Variants in CUX1 observed in about 807,000 individuals in gnomAD.
The protein encoded by CUX1 is protein CASP.
Under a neutral mutation model 158.8 loss-of-function variants are expected in CUX1, and 31 were observed. The observed-to-expected ratio is 0.20, with a 90% confidence interval of 0.15 to 0.26. The LOEUF is 0.26. Ranked by LOEUF, CUX1 falls within the 10% of genes least tolerant of loss-of-function variation. The pLI is 1.00. For synonymous variants in CUX1, 879 were observed against 862.1 expected, an observed-to-expected ratio of 1.02 and a Z score of -0.34; for missense variants, 1,589 against 2,014.6, an observed-to-expected ratio of 0.79 and a Z score of 4.04.
chr7:101,847,143 C>T (rs75370873), intron 1 of CUX1, among the ~76,000 whole-genome samples: 4,537 of 152,168 alleles, frequency 0.03, 225 homozygotes, highest in African/African-American at 0.1. Context: ...GGTCCTATCC[C>T]TAAAGAAATG....
At chr7:102,229,421 C>T (rs1373075800) in intron 21 of CUX1, among the ~76,000 whole-genome samples, 2 of 151,558 alleles carry the variant, frequency 1.3e-5, no homozygotes, top group African/African-American at 2.4e-5. Flanking sequence ...ACGCGATTCT[C>T]CTGCCTCAGT....
At chr7:102,012,590 C>T (rs541867518) in intron 2 of CUX1, among the ~76,000 whole-genome samples, 7 of 152,138 alleles carry the variant, frequency 4.6e-5, no homozygotes, top group African/African-American at 1.4e-4. Context: ...CTTTTCCCAG[C>T]GTCCTCTCTG....
chr7:102,264,132 A>G (rs1250217076), intron 14 of CUX1, among the ~76,000 whole-genome samples: 2 of 150,330 alleles, frequency 1.3e-5, no homozygotes, highest in African/African-American at 4.9e-5. Context: ...CAGCCTCCCA[A>G]GTAGCTGGGA....
rs73712571 is a variant in CUX1, at chr7:101,851,628, G to A, written c.30+33959G>A. Among the ~76,000 whole-genome samples, 1,400 of 152,274 alleles carry A rather than the reference G, an allele frequency of 9.2e-3. 27 individuals carry two copies. The highest frequency in any genetic ancestry group is 0.032 in the African/African-American group (1,332 of 41,550). On this transcript the variant is annotated intron_variant, in intron 1 of 23. Coordinates refer to ENST00000292535, the MANE Select transcript of CUX1 (RefSeq NM_181552.4). ...CCGTTTTCTAGCATCCGTCAAGGGC[G>A]TTCTGCATTTTTGTCCTTTGTTCTA...
chr7:102,071,037 C>A (rs1000071967), intron 4 of CUX1, among the ~76,000 whole-genome samples: 1 of 152,120 alleles, frequency 6.6e-6, no homozygotes, highest in African/African-American at 2.4e-5. Context: ...CTCACTGCAA[C>A]CTGCACCTCC....
chr7:102,180,934 T>G (rs906842639), intron 11 of CUX1, among the ~76,000 whole-genome samples: 23 of 145,682 alleles, frequency 1.6e-4, no homozygotes, highest in East Asian at 1.9e-4. Context: ...TTATTTTATT[T>G]TATTTTATTT....
intron 14 of CUX1, among the ~76,000 whole-genome samples, chr7:102,269,555 G>A (rs925045808): frequency 2.4e-4 from 34 of 144,660 alleles, no homozygotes; most frequent in Admixed American, 1.9e-3. Flanking sequence ...ACAGGGGTCC[G>A]CCACCATGCC....
At chr7:101,877,756 T>TTGTGTGTG (rs112494807) in intron 1 of CUX1, among the ~76,000 whole-genome samples, 8 of 148,942 alleles carry the variant, frequency 5.4e-5, no homozygotes, top group Middle Eastern at 3.4e-3. Context: ...ATCCCTCCAA[T>TTGTGTGTG]TGTGTGTGTG....
chr7:101,974,165 C>T (rs796491458), intron 2 of CUX1, among the ~76,000 whole-genome samples: 7 of 151,894 alleles, frequency 4.6e-5, no homozygotes, highest in African/African-American at 1.7e-4. Context: ...TCCCTGGGCT[C>T]AAGTAATGCT....
At chr7:102,280,716 C>T (rs560364563) in intron 19 of CUX1, 1 of 1,371,868 alleles carries the variant, frequency 7.3e-7, no homozygotes, top group East Asian at 2.4e-5. Flanking sequence ...GCAGGGTGTC[C>T]TGTGGCTGGC....
Position 102,189,397 on chromosome 7 carries a change from A to ATTT in CUX1, c.1018-416_1018-415insTTT, listed in dbSNP as rs1563376302. On this transcript the variant is annotated intron_variant, in intron 11 of 23. Transcript: ENST00000292535. ...GGATGCTTTTTTTTTTTTTTTTTTA[A>ATTT]AAAAAAAAGAGGTAGGGTCTCCACT... Among the ~76,000 whole-genome samples, 211 of 57,250 alleles carry ATTT rather than the reference A, an allele frequency of 3.7e-3. 2 individuals carry two copies. Among genetic ancestry groups the ATTT allele is most frequent in the African/African-American group, 0.014 (196 of 13,820 alleles). 37.6% of individuals were successfully genotyped at this position (57,250 alleles called of 152,430 possible).
chr7:101,979,830 A>C (rs1302061888), intron 2 of CUX1, among the ~76,000 whole-genome samples: 1 of 152,024 alleles, frequency 6.6e-6, no homozygotes, highest in African/African-American at 2.4e-5. Context: ...TTGTATTTTT[A>C]ATAGAGATAG....
intron 2 of CUX1, among the ~76,000 whole-genome samples, chr7:101,981,720 C>T (rs757788711): frequency 1.5e-4 from 23 of 152,054 alleles, no homozygotes; most frequent in Admixed American, 4.6e-4. Context: ...AGGCGATTCT[C>T]CTGCCTCCGT....
Position 101,817,763 on chromosome 7 carries a change from C to T in CUX1, c.30+94C>T. ...CCCGGGTCCCGCGGCTTAGAATGCTCTAGGGCGGCCTGGTGCTCTGGGAGG... is the reference window on the plus strand; with the variant it reads ...CCCGGGTCCCGCGGCTTAGAATGCTTTAGGGCGGCCTGGTGCTCTGGGAGG... On this transcript the variant is annotated intron_variant, in intron 1 of 23. Coordinates refer to ENST00000292535, the MANE Select transcript of CUX1 (RefSeq NM_181552.4). The surrounding 1 kb of genome is among the most constrained non-coding windows in gnomAD (Gnocchi z 4.1). 6.1e-6 allele frequency: 9 copies of T among 1,467,496 alleles called. No homozygotes were observed. The highest frequency in any genetic ancestry group is 7.3e-6 in the Non-Finnish European group (8 of 1,090,780). The allele number at this position is 1,467,496 out of a possible 1,614,324, so 90.9% of individuals were successfully genotyped here. A position where few individuals can be genotyped will look rare whatever the true frequency, so the allele number is the denominator to read the frequency against.
At chr7:102,282,897 C>A in intron 22 of CUX1, 1 of 842,260 alleles carries the variant, frequency 1.2e-6, no homozygotes, top group Non-Finnish European at 1.9e-6. Context: ...GCCCCCCATT[C>A]TGGCCCTCCC....
intron 20 of CUX1, among the ~76,000 whole-genome samples, chr7:102,216,670 CACACACACACACT>C (rs1554524890): frequency 1.3e-4 from 4 of 31,232 alleles, no homozygotes; most frequent in African/African-American, 2.2e-4. Flanking sequence ...CACACACACT[CACACACACACACT>C]CCCCCACACA....
At chr7:101,887,570 A>G (rs1042055657) in intron 1 of CUX1, among the ~76,000 whole-genome samples, 24 of 151,952 alleles carry the variant, frequency 1.6e-4, no homozygotes, top group African/African-American at 5.8e-4. Context: ...CGGCCTCCCA[A>G]AGTGCTGGGA....
intron 2 of CUX1, among the ~76,000 whole-genome samples, chr7:101,999,345 C>T (rs1816395602): frequency 6.6e-6 from 1 of 151,140 alleles, no homozygotes; most frequent in African/African-American, 2.4e-5. Flanking sequence ...CATGAGCCAC[C>T]GCGCCTGGCC....
intron 6 of CUX1, among the ~76,000 whole-genome samples, chr7:102,106,815 C>T (rs1253132589): frequency 6.6e-6 from 1 of 152,226 alleles, no homozygotes; most frequent in African/African-American, 2.4e-5. Flanking sequence ...ACCAGCTCGC[C>T]TTTGAATTCC....
Sources: allele counts gnomAD v4.1 joint callset (sites outside exome capture counted in the v4.1 genomes callset), GRCh38; gene constraint gnomAD v4.1.1; non-coding constraint Gnocchi (gnomAD v3.1); transcripts MANE v1.5; gene names NCBI Gene and HGNC (gene_info 2026-07-23, HGNC 2026-07-21).